Variants in SYN3 observed in about 807,000 individuals in gnomAD.
SYN3 encodes the protein synapsin-3.
Under a neutral mutation model 65.8 loss-of-function variants are expected in SYN3, and 35 were observed. The ratio of observed to expected loss-of-function variants is 0.53; its 90% CI spans 0.41 to 0.70. The LOEUF (loss-of-function observed/expected upper bound fraction) is 0.70. SYN3 is among the 30% of genes least tolerant of loss of function. The pLI is 0.00. For missense variants in SYN3, 680 were observed against 749.0 expected, an observed-to-expected ratio of 0.91 and a Z score of 1.08; for synonymous variants, 270 against 292.9, an observed-to-expected ratio of 0.92 and a Z score of 0.80.
At chr22:32,647,894 AT>A (rs1291113471) in intron 6 of SYN3, among the ~76,000 whole-genome samples, 1 of 151,796 alleles carries the variant, frequency 6.6e-6, no homozygotes, top group Admixed American at 6.6e-5. Flanking sequence ...TATTTTTAAT[AT>A]TTTTTTACAT....
intron 6 of SYN3, among the ~76,000 whole-genome samples, chr22:32,747,326 A>AAAACAAAACAAAACAAAAC (rs2044967887): frequency 6.6e-6 from 1 of 152,140 alleles, no homozygotes; most frequent in African/African-American, 2.4e-5. Context: ...AAAACAAAAC[A>AAAACAAAACAAAACAAAAC]AATCAAAACA....
intron 3 of SYN3, among the ~76,000 whole-genome samples, chr22:32,944,622 G>A (rs2051048183): frequency 6.6e-6 from 1 of 152,206 alleles, no homozygotes. Flanking sequence ...CATTCCCCTT[G>A]AAAACTGGCA....
At chr22:32,952,007 C>T (rs924541051) in intron 3 of SYN3, among the ~76,000 whole-genome samples, 6 of 152,248 alleles carry the variant, frequency 3.9e-5, no homozygotes, top group Non-Finnish European at 7.3e-5. Flanking sequence ...CCGGCACAGG[C>T]TGTATTTTTA....
chr22:32,885,526 T>C (rs144177837), intron 4 of SYN3, among the ~76,000 whole-genome samples: 20 of 151,666 alleles, frequency 1.3e-4, no homozygotes, highest in Middle Eastern at 3.5e-3. Flanking sequence ...GGCAGGTACA[T>C]CTCAGGCCTC....
At chr22:32,716,615 C>T (rs1473096150) in intron 6 of SYN3, among the ~76,000 whole-genome samples, 2 of 152,124 alleles carry the variant, frequency 1.3e-5, no homozygotes, top group Non-Finnish European at 2.9e-5. Context: ...ATTGCAACCT[C>T]TGCCTCCCAA....
chr22:32,785,907 C>T (rs2046181477), intron 6 of SYN3, among the ~76,000 whole-genome samples: 1 of 151,992 alleles, frequency 6.6e-6, no homozygotes, highest in Non-Finnish European at 1.5e-5. Context: ...GTAAATAAAG[C>T]CTGAATGAAT....
intron 7 of SYN3, among the ~76,000 whole-genome samples, chr22:32,562,244 G>T (rs774108984): frequency 7.9e-5 from 12 of 152,196 alleles, no homozygotes; most frequent in Non-Finnish European, 1.2e-4. Context: ...AAAAGTTGCC[G>T]AAACGTCTCC....
intron 7 of SYN3, among the ~76,000 whole-genome samples, chr22:32,594,371 T>C (rs904103274): frequency 6.6e-5 from 10 of 152,192 alleles, no homozygotes; most frequent in African/African-American, 1.4e-4. Context: ...AGAATTATCA[T>C]TTGACTGATG....
At chr22:32,589,806 C>T (rs1174501746) in intron 7 of SYN3, among the ~76,000 whole-genome samples, 1 of 152,160 alleles carries the variant, frequency 6.6e-6, no homozygotes, top group Non-Finnish European at 1.5e-5. Context: ...TATGCCTCAT[C>T]CATCCACTAC....
chr22:33,030,832 G>A (rs564659341), intron 1 of SYN3, among the ~76,000 whole-genome samples: 8 of 152,010 alleles, frequency 5.3e-5, no homozygotes, highest in African/African-American at 1.9e-4. Context: ...CAGAGAGACA[G>A]AGAGATAGTG....
chr22:32,749,690 A>G (rs2045053248), intron 6 of SYN3, among the ~76,000 whole-genome samples: 1 of 152,124 alleles, frequency 6.6e-6, no homozygotes. Context: ...TGTAGGGGGG[A>G]CACAAACATT....
intron 3 of SYN3, among the ~76,000 whole-genome samples, chr22:32,960,595 C>T (rs937450967): frequency 2.0e-5 from 3 of 152,112 alleles, no homozygotes; most frequent in African/African-American, 4.8e-5. Flanking sequence ...TGTGACTGCG[C>T]GTCTTGCATG....
rs541430467 is a variant in SYN3, at chr22:32,926,194, T to G, written c.461+5196A>C. The stretch of plus-strand genomic sequence containing the variant: ...TTTTACCTGTTACAAATGAAGGAGA[T>G]CCAGCCACCCTACCAAATAGGGAAG... On this transcript the variant is annotated intron_variant, in intron 4 of 13. Transcript: ENST00000358763. Among the ~76,000 whole-genome samples, 6 of 152,252 alleles carry G rather than the reference T, an allele frequency of 3.9e-5. No individual in the cohort carries two copies. In the South Asian group the frequency reaches 1.2e-3, roughly 32 times the overall value.
chr22:32,953,449 G>A (rs1339759849), intron 3 of SYN3, among the ~76,000 whole-genome samples: 10 of 143,144 alleles, frequency 7.0e-5, no homozygotes, highest in Non-Finnish European at 9.0e-5. Context: ...TGAGTTTTGT[G>A]TTAAATAAAG....
rs148820049 is a variant in SYN3 at position 32,818,667 on chromosome 22, C to T, written c.711+46248G>A. Among the ~76,000 whole-genome samples the T allele has an allele frequency of 9.8e-3, 1,490 of 152,296 alleles. 30 individuals are homozygous for T. Among genetic ancestry groups the T allele is most frequent in the African/African-American group, 0.034 (1,411 of 41,552 alleles). On this transcript the variant is annotated intron_variant, in intron 6 of 13. Coordinates refer to ENST00000358763, the MANE Select transcript of SYN3 (RefSeq NM_003490.4). ...TGTTTGTCTCCCCTCCGGCGCTGGG[C>T]CTCCTGCTTGGCCTCCAGCTCTTGC...
chr22:32,799,702 C>A (rs534092969), intron 6 of SYN3, among the ~76,000 whole-genome samples: 4 of 152,160 alleles, frequency 2.6e-5, no homozygotes, highest in African/African-American at 9.7e-5. Flanking sequence ...AATTCCACCA[C>A]GTATGCCCTC....
chr22:32,655,588 T>C lies in SYN3; in HGVS notation c.712-58852A>G, dbSNP rs964628729. ...GATCAGTAGCGGCATTAGATTCTCA[T>C]AGGAGCGTGGACCCTATTGTGAACC... On this transcript the variant is annotated intron_variant, in intron 6 of 13. Transcript: ENST00000358763. Among the ~76,000 whole-genome samples the C allele has an allele frequency of 6.2e-3, 951 of 152,262 alleles. 9 individuals carry two copies. The highest frequency in any genetic ancestry group is 0.022 in the African/African-American group (900 of 41,530).
intron 3 of SYN3, among the ~76,000 whole-genome samples, chr22:32,954,938 T>TTTTC (rs1491259152): frequency 2.7e-4 from 37 of 138,016 alleles, no homozygotes; most frequent in African/African-American, 9.7e-4. Flanking sequence ...TGCTTTTTCC[T>TTTTC]TTTCTTTTTT....
intron 3 of SYN3, among the ~76,000 whole-genome samples, chr22:32,965,218 C>A (rs764484936): frequency 1.1e-4 from 16 of 149,886 alleles, no homozygotes; most frequent in Admixed American, 5.3e-4. Flanking sequence ...ATGTTAATGT[C>A]AAATCTTGCT....
Sources: gnomAD v4.1 joint callset for allele counts (sites outside exome capture counted in the v4.1 genomes callset) on GRCh38, gnomAD v4.1.1 for gene constraint, MANE v1.5 for transcripts, NCBI Gene and HGNC (gene_info 2026-07-23, HGNC 2026-07-21) for gene names.